The following GCM2 variants were observed in gnomAD, a reference collection of about 807,000 sequenced individuals.
GCM2 encodes the protein GCM transcription factor 2.
A neutral mutation model predicts 24.8 loss-of-function variants in GCM2; 21 were observed. The ratio of observed to expected loss-of-function variants is 0.85; its 90% CI spans 0.60 to 1.22. The LOEUF (loss-of-function observed/expected upper bound fraction) is 1.22, where lower values mean the gene tolerates loss of function less well. Among genes scored for constraint, GCM2 ranks in the 50% most tolerant of loss-of-function variants. GCM2 has a pLI of 0.00. For synonymous variants in GCM2, 222 were observed against 238.0 expected, an observed-to-expected ratio of 0.93 and a Z score of 0.62; for missense variants, 532 against 645.6, an observed-to-expected ratio of 0.82 and a Z score of 1.91.
chr6:10,876,144 A>C (rs1448308551), intron 3 of GCM2, 128 bp from the exon 4 acceptor site: 1 of 1,006,868 alleles, frequency 9.9e-7, no homozygotes, highest in Non-Finnish European at 1.5e-6. Context: ...AATGACAGAA[A>C]AAAAAATTCT....
chr6:10,880,340 T>C (rs942678700), intron 1 of GCM2, among the ~76,000 whole-genome samples: 23 of 152,136 alleles, frequency 1.5e-4, no homozygotes, highest in African/African-American at 4.8e-4. Context: ...TACAAATATA[T>C]GGATCCAAAA....
Position 10,873,873 on chromosome 6 carries a change from T to C in GCM2, c.*122A>G. On this transcript the variant is annotated 3_prime_UTR_variant, in exon 5 of 5. Transcript: ENST00000379491. Reference sequence around the variant, plus strand: ...TTTCTCAGTTACTCAGAATTTTTACTACTATCTGTGTTTCTTTGCACACAA... The same window carrying C: ...TTTCTCAGTTACTCAGAATTTTTACCACTATCTGTGTTTCTTTGCACACAA... The C allele has an allele frequency of 1.3e-6, 1 of 770,666 alleles. No individual in the cohort carries two copies. The highest frequency in any genetic ancestry group is 2.2e-6 in the Non-Finnish European group (1 of 446,440). 47.7% of individuals were successfully genotyped at this position (770,666 alleles called of 1,614,324 possible). A position where few individuals can be genotyped will look rare whatever the true frequency, so the allele number is the denominator to read the frequency against.
At chr6:10,875,811 C>A in intron 4 of GCM2, 80 bp downstream of exon 4, 1 of 1,362,870 alleles carries the variant, frequency 7.3e-7, no homozygotes, top group Non-Finnish European at 1.0e-6. Context: ...AACGTATGAC[C>A]TTCATATTTT....
intron 1 of GCM2, among the ~76,000 whole-genome samples, chr6:10,880,977 A>G (rs1165076833): frequency 6.6e-6 from 1 of 152,180 alleles, no homozygotes; most frequent in Non-Finnish European, 1.5e-5. Context: ...CATGGATTTA[A>G]AGTAAATGAA....
At chr6:10,876,630 T>A (rs956124712) in intron 2 of GCM2, 73 bp from the exon 3 acceptor site, 1 of 1,083,106 alleles carries the variant, frequency 9.2e-7, no homozygotes, top group Non-Finnish European at 1.4e-6. Context: ...GAAAATTAGC[T>A]GGGAACAAAG....
intron 1 of GCM2, among the ~76,000 whole-genome samples, chr6:10,880,692 T>C (rs1295174988): frequency 1.3e-5 from 2 of 152,178 alleles, no homozygotes; most frequent in African/African-American, 2.4e-5. Flanking sequence ...CATTTTTGCT[T>C]TATTGAAATA....
rs1382809940 is a variant in GCM2 at position 10,874,482 on chromosome 6, C to T, written c.1034G>A (p.Arg345Lys). 4 of 1,614,202 alleles carry T rather than the reference C, an allele frequency of 2.5e-6. No homozygotes were observed. Among genetic ancestry groups the T allele is most frequent in the Non-Finnish European group, 3.4e-6 (4 of 1,180,038 alleles). ...GGCCTGAAACTGCCCATGGTTAGTC[C>T]TTTCCACAAGGCTGGGTTTTCCAAG... is the stretch of plus-strand genomic sequence containing the variant. ...PALGKPSLVE[R>K]TNHGQFQAMA... The change falls in exon 5 of 5, where the codon AGG (arginine) becomes AAG (lysine). Residue 345 changes from arginine to lysine, a missense_variant. Transcript: ENST00000379491.
In GCM2 at chr6:10,881,768, G is replaced by A. The variant is rs1422780648; in HGVS notation, c.26C>T (p.Ala9Val). MPAAAVQE[A>V]VGVCSYGMQL... is the part of the protein sequence containing the mutation. Reference sequence around the variant, plus strand: ...CATCCCGTAGGAGCACACGCCGACCGCTTCCTGCACCGCGGCCGCCGGCAT... The same window carrying A: ...CATCCCGTAGGAGCACACGCCGACCACTTCCTGCACCGCGGCCGCCGGCAT... The change falls in exon 1 of 5, where the codon GCG becomes GTG. Residue 9 changes from alanine to valine, a missense_variant. Transcript: ENST00000379491. 2.5e-6 allele frequency: 4 copies of A among 1,609,528 alleles called. No individual in the cohort carries two copies. The highest frequency in any genetic ancestry group is 3.4e-6 in the Non-Finnish European group (4 of 1,179,950).
In GCM2 at chr6:10,881,978, G is replaced by A; in HGVS notation, c.-185C>T. ...TCTGGAAGCTGGGGACAATGGTTAT[G>A]GACCCGGGCGGGGCCTTGTCCTTGG... On this transcript the variant is annotated 5_prime_UTR_variant, in exon 1 of 5. Transcript: ENST00000379491. 1 of 627,572 alleles carries A rather than the reference G, an allele frequency of 1.6e-6. No homozygotes were observed. Among genetic ancestry groups the A allele is most frequent in the Non-Finnish European group, 2.9e-6 (1 of 350,380 alleles). The allele number at this position is 627,572 out of a possible 1,614,324, so 38.9% of individuals were successfully genotyped here.
chr6:10,877,551 G>A (rs1327319118), intron 1 of GCM2, among the ~76,000 whole-genome samples, 159 bp from the exon 2 acceptor site: 2 of 152,194 alleles, frequency 1.3e-5, no homozygotes, highest in Non-Finnish European at 2.9e-5. Flanking sequence ...AAGACTTCCT[G>A]ACAACCAGGT....
intron 3 of GCM2, 93 bp from the exon 4 acceptor site, chr6:10,876,109 A>C: frequency 5.8e-5 from 75 of 1,299,004 alleles, no homozygotes; most frequent in Non-Finnish European, 7.7e-5. Flanking sequence ...CCAACATCTC[A>C]AGAGTTTAGT....
intron 1 of GCM2, 148 bp downstream of exon 1, chr6:10,881,556 G>A (rs1202453170): frequency 3.0e-4 from 2 of 6,594 alleles, no homozygotes; most frequent in Admixed American, 1.5e-3. Context: ...TTGCGGGTAT[G>A]TGTGTGTGTG....
At position 10,873,321 on chromosome 6, in the gene GCM2, T is replaced by C. The variant is rs1367867459; in HGVS notation, c.*674A>G. ...ATCCATTAAATACAACTCATCATTG[T>C]TAGGCTGTCTCTGTTATGGAAACTA... On this transcript the variant is annotated 3_prime_UTR_variant, in exon 5 of 5. Transcript: ENST00000379491. 6.5e-6 allele frequency: 1 copy of C among 153,270 alleles called. No homozygotes were observed. The highest frequency in any genetic ancestry group is 1.5e-5 in the Non-Finnish European group (1 of 68,790). 9.5% of individuals were successfully genotyped at this position (153,270 alleles called of 1,614,324 possible). A position where few individuals can be genotyped will look rare whatever the true frequency, so the allele number is the denominator to read the frequency against.
At position 10,873,316 on chromosome 6, in the gene GCM2, C is replaced by G. The variant is rs1471304215; in HGVS notation, c.*679G>C. 1.3e-5 allele frequency: 2 copies of G among 152,902 alleles called. No homozygotes were observed. Among genetic ancestry groups the G allele is most frequent in the Non-Finnish European group, 2.9e-5 (2 of 68,612 alleles). 9.5% of individuals were successfully genotyped at this position (152,902 alleles called of 1,614,324 possible). On this transcript the variant is annotated 3_prime_UTR_variant, in exon 5 of 5. Coordinates refer to ENST00000379491, the MANE Select transcript of GCM2 (RefSeq NM_004752.4). The stretch of plus-strand genomic sequence containing the variant: ...TGGTAATCCATTAAATACAACTCAT[C>G]ATTGTTAGGCTGTCTCTGTTATGGA...
intron 3 of GCM2, 60 bp from the exon 4 acceptor site, chr6:10,876,076 C>T (rs954029223): frequency 5.1e-6 from 8 of 1,576,830 alleles, no homozygotes; most frequent in Admixed American, 1.7e-5. Flanking sequence ...GACAATGTTG[C>T]CCAAAAATTG....
chr6:10,876,931 C>T (rs913433522), intron 2 of GCM2, among the ~76,000 whole-genome samples: 3 of 152,202 alleles, frequency 2.0e-5, no homozygotes, highest in Admixed American at 6.5e-5. Context: ...GGCGTGGTGG[C>T]GCATGCCTGT....
intron 4 of GCM2, 67 bp downstream of exon 4, chr6:10,875,824 A>G: frequency 3.3e-6 from 5 of 1,507,512 alleles, no homozygotes; most frequent in Non-Finnish European, 4.6e-6. Context: ...CATATTTTGC[A>G]TAACGATCAG....
intron 4 of GCM2, among the ~76,000 whole-genome samples, 185 bp from the exon 5 acceptor site, chr6:10,875,118 C>T (rs1487255497): frequency 6.6e-6 from 1 of 152,208 alleles, no homozygotes; most frequent in African/African-American, 2.4e-5. Context: ...TGGGCTCACT[C>T]AGACATAAAT....
In GCM2 at chr6:10,881,895, G is replaced by A. The variant is rs1779965459; in HGVS notation, c.-102C>T. On this transcript the variant is annotated 5_prime_UTR_variant, in exon 1 of 5. Coordinates refer to ENST00000379491, the MANE Select transcript of GCM2 (RefSeq NM_004752.4). ...TTTTTTCTTCTCTTTAAAGAAGAAA[G>A]TGGGGTGTGTGAAGGGGAGGTGCAG... The A allele has an allele frequency of 1.1e-6, 1 of 876,536 alleles. No homozygotes were observed. The highest frequency in any genetic ancestry group is 2.0e-5 in the Admixed American group (1 of 50,480). The allele number at this position is 876,536 out of a possible 1,614,324, so 54.3% of individuals were successfully genotyped here.
Sources: allele counts gnomAD v4.1 joint callset (sites outside exome capture counted in the v4.1 genomes callset), GRCh38; gene constraint gnomAD v4.1.1; transcripts MANE v1.5; gene names NCBI Gene and HGNC (gene_info 2026-07-23, HGNC 2026-07-21).